The following NCOA2 variants were observed in gnomAD, a reference collection of about 807,000 sequenced individuals.
The protein encoded by NCOA2 is class E basic helix-loop-helix protein 75.
NCOA2 carries 21 observed loss-of-function variants against 145.1 expected under a neutral mutation model. That is an observed-to-expected ratio of 0.14 (90% CI 0.10 to 0.21). The LOEUF (loss-of-function observed/expected upper bound fraction) is 0.21, where lower values mean the gene tolerates loss of function less well. NCOA2 is among the 10% of genes least tolerant of loss of function. The probability of loss-of-function intolerance (pLI) is 1.00; values close to 1 mark genes in which losing one functional copy is unlikely to be tolerated. For missense variants in NCOA2, 1,472 were observed against 1,837.6 expected (o/e 0.80, Z 3.64); for synonymous variants, 619 against 637.5 (o/e 0.97, Z 0.44).
At chr8:70,348,741 A>C (rs773136026) in intron 1 of NCOA2, among the ~76,000 whole-genome samples, 1 of 152,138 alleles carries the variant, frequency 6.6e-6, no homozygotes, top group African/African-American at 2.4e-5. Flanking sequence ...AGAAACCAGG[A>C]AATTTGGACA....
Position 70,110,303 on chromosome 8 carries a change from T to C in NCOA2, c.*3329A>G, listed in dbSNP as rs1806433421. ...ATACAAATATAATACATCGGACAGCTATGTAGGAATATACAAGACTTAAAA... is the reference window on the plus strand; with the variant it reads ...ATACAAATATAATACATCGGACAGCCATGTAGGAATATACAAGACTTAAAA... On this transcript the variant is annotated 3_prime_UTR_variant, in exon 23 of 23. Coordinates refer to ENST00000452400, the MANE Select transcript of NCOA2 (RefSeq NM_006540.4). The C allele has an allele frequency of 1.5e-5, 3 of 197,028 alleles. No individual in the cohort carries two copies. The Admixed American group carries it at 1.8e-4, about 12-fold the overall frequency. The allele number at this position is 197,028 out of a possible 1,614,324, so 12.2% of individuals were successfully genotyped here.
chr8:70,360,702 C>G (rs1810120130), intron 1 of NCOA2, among the ~76,000 whole-genome samples: 1 of 152,108 alleles, frequency 6.6e-6, no homozygotes, highest in African/African-American at 2.4e-5. Context: ...CTTTGGGAGG[C>G]TGAGGTGGGC....
intron 1 of NCOA2, among the ~76,000 whole-genome samples, chr8:70,362,435 C>G (rs1019892318): frequency 1.3e-5 from 2 of 152,030 alleles, no homozygotes; most frequent in African/African-American, 4.8e-5. Flanking sequence ...GACTTCTGAT[C>G]AGCAAATATA....
At chr8:70,412,445 A>G in the NCOA2 span, among the ~76,000 whole-genome samples, 3 of 148,944 alleles carry the variant, frequency 2.0e-5, no homozygotes, top group Admixed American at 6.7e-5. Flanking sequence ...CAATTTAAGT[A>G]TTGACATTTT....
At chr8:70,186,425 C>T (rs1028449490) in intron 4 of NCOA2, among the ~76,000 whole-genome samples, 5 of 152,138 alleles carry the variant, frequency 3.3e-5, no homozygotes, top group East Asian at 1.9e-4. Context: ...CTTATGAACT[C>T]GGCACTACCA....
At chr8:70,139,014 C>T (rs1488491957) in intron 14 of NCOA2, among the ~76,000 whole-genome samples, 4 of 152,238 alleles carry the variant, frequency 2.6e-5, no homozygotes, top group Admixed American at 1.3e-4. Context: ...TGCACCATGT[C>T]GAGACTGCTG....
intron 1 of NCOA2, among the ~76,000 whole-genome samples, chr8:70,366,986 G>A (rs566126074): frequency 6.6e-6 from 1 of 152,112 alleles, no homozygotes; most frequent in Admixed American, 6.5e-5. Context: ...GGCCAATGAG[G>A]ATACTCTCAT....
At chr8:70,165,278 T>A (rs751886624) in intron 7 of NCOA2, among the ~76,000 whole-genome samples, 1 of 152,222 alleles carries the variant, frequency 6.6e-6, no homozygotes, top group Admixed American at 6.5e-5. Flanking sequence ...TCAATAAAAT[T>A]TAAATTTTAA....
At chr8:70,169,685 A>AT (rs1206625674) in intron 6 of NCOA2, among the ~76,000 whole-genome samples, 1 of 152,178 alleles carries the variant, frequency 6.6e-6, no homozygotes, top group Non-Finnish European at 1.5e-5. Flanking sequence ...TGATGTGACT[A>AT]TTTCACACTG....
At chr8:70,199,972 G>T (rs914660758) in intron 4 of NCOA2, among the ~76,000 whole-genome samples, 46 of 152,168 alleles carry the variant, frequency 3.0e-4, no homozygotes, top group Non-Finnish European at 2.5e-4. Flanking sequence ...GGAAAAGATG[G>T]ATGGTCTGTA....
At chr8:70,375,731 T>C (rs1218892301) in intron 1 of NCOA2, among the ~76,000 whole-genome samples, 12 of 152,154 alleles carry the variant, frequency 7.9e-5, no homozygotes, top group African/African-American at 2.4e-5. Context: ...TGCTCAAATA[T>C]CAGACTACCT....
chr8:70,267,225 T>A (rs779761617), intron 2 of NCOA2, among the ~76,000 whole-genome samples: 2 of 152,200 alleles, frequency 1.3e-5, no homozygotes, highest in Non-Finnish European at 2.9e-5. Flanking sequence ...GTGAAGATGT[T>A]CATGACTATG....
rs1164887864 is a variant in NCOA2 at position 70,301,581 on chromosome 8, C to T, written c.-76-4781G>A. Among the ~76,000 whole-genome samples the T allele has an allele frequency of 2.2e-5, 3 of 139,162 alleles. No homozygotes were observed. The East Asian group carries it at 6.9e-4, about 32-fold the overall frequency. 91.3% of individuals were successfully genotyped at this position (139,162 alleles called of 152,430 possible). ...GGGATGGGAGGATCACTTGAGCCTA[C>T]GGATGTCAAGGCTGCAGTGAGTCGT... is the stretch of plus-strand genomic sequence containing the variant. On this transcript the variant is annotated intron_variant, in intron 1 of 22. Transcript: ENST00000452400.
chr8:70,137,556 T>C (rs1240841510), intron 15 of NCOA2, among the ~76,000 whole-genome samples: 2 of 152,190 alleles, frequency 1.3e-5, no homozygotes, highest in African/African-American at 2.4e-5. Context: ...TATCTAGAAA[T>C]AGCCTACCAT....
chr8:70,133,149 C>T (rs1809341688), intron 15 of NCOA2, among the ~76,000 whole-genome samples: 2 of 150,126 alleles, frequency 1.3e-5, no homozygotes, highest in African/African-American at 4.9e-5. Context: ...TCTGGCCTCA[C>T]CCTCCTGAGT....
At chr8:70,135,196 C>T (rs892850217) in intron 15 of NCOA2, among the ~76,000 whole-genome samples, 76 of 152,202 alleles carry the variant, frequency 5.0e-4, no homozygotes, top group Admixed American at 2.0e-4. Context: ...ATCCTTCCCA[C>T]GCTCTTCTCC....
chr8:70,272,019 T>G (rs1343280075), intron 2 of NCOA2, among the ~76,000 whole-genome samples: 2 of 152,224 alleles, frequency 1.3e-5, no homozygotes, highest in Non-Finnish European at 2.9e-5. Flanking sequence ...ATTACCAAAG[T>G]AAAAGAAATA....
chr8:70,161,284 G>A (rs1812969806), intron 9 of NCOA2, among the ~76,000 whole-genome samples: 1 of 152,136 alleles, frequency 6.6e-6, no homozygotes, highest in Non-Finnish European at 1.5e-5. Context: ...TTAAACTCAG[G>A]ACCCAAGGAT....
At chr8:70,422,761 T>C in the NCOA2 span, among the ~76,000 whole-genome samples, 1 of 151,734 alleles carries the variant, frequency 6.6e-6, no homozygotes. Context: ...TCTTTTTGTG[T>C]TTTTTTTCTT....
Sources: allele counts gnomAD v4.1 joint callset (sites outside exome capture counted in the v4.1 genomes callset), GRCh38; gene constraint gnomAD v4.1.1; transcripts MANE v1.5; gene names NCBI Gene and HGNC (gene_info 2026-07-23, HGNC 2026-07-21).